RADX: variants seen among roughly 807,000 people sequenced by gnomAD.
RADX encodes the protein RPA-related protein RADX.
RADX carries 36 observed loss-of-function variants against 61.6 expected under a neutral mutation model. That is an observed-to-expected ratio of 0.58 (90% CI 0.45 to 0.77). The LOEUF (loss-of-function observed/expected upper bound fraction) is 0.77, where lower values mean the gene tolerates loss of function less well. RADX is among the 30% of genes least tolerant of loss of function. RADX has a pLI of 0.00. For synonymous variants in RADX, 272 were observed against 237.9 expected (o/e 1.14, Z -1.32); for missense variants, 497 against 651.1 (o/e 0.76, Z 2.58).
rs58810005 is a variant in RADX at position 106,661,359 on chromosome X, G to GTT, written c.1979-648_1979-647dup. ...CCCCTTTGTTTTTCGTTTTTGTTTT[G>GTT]TTTTTTTTTCTTGTTTTTTTTTTTT... On this transcript the variant is annotated intron_variant, in intron 11 of 13. Transcript: ENST00000372548. Among the ~76,000 whole-genome samples, 493 of 91,054 alleles carry GTT rather than the reference G, an allele frequency of 5.4e-3. 5 individuals carry two copies. Among genetic ancestry groups the GTT allele is most frequent in the African/African-American group, 0.02 (452 of 22,297 alleles). 79.1% of individuals were successfully genotyped at this position (91,054 alleles called of 115,157 possible). A position where few individuals can be genotyped will look rare whatever the true frequency, so the allele number is the denominator to read the frequency against.
At chrX:106,633,458 A>T (rs1366817469) in intron 6 of RADX, among the ~76,000 whole-genome samples, 8 of 111,466 alleles carry the variant, frequency 7.2e-5, no homozygotes, top group Admixed American at 2.9e-4. Flanking sequence ...TTAACTTGGG[A>T]TTGAAACCAG....
Position 106,661,244 on chromosome X carries a change from G to C in RADX, c.1979-771G>C, listed in dbSNP as rs191393738. On this transcript the variant is annotated intron_variant, in intron 11 of 13. Coordinates refer to ENST00000372548, the MANE Select transcript of RADX (RefSeq NM_018015.6). Reference sequence around the variant, plus strand: ...TAAATGATAATTTGATTTGATGATAGAGAACAACAAAAATTGAGGGGGTCT... The same window carrying C: ...TAAATGATAATTTGATTTGATGATACAGAACAACAAAAATTGAGGGGGTCT... 7.2e-5 allele frequency among the ~76,000 whole-genome samples: 8 copies of C among 111,249 alleles called. No homozygotes were observed. In the East Asian group the frequency reaches 2.3e-3, roughly 31 times the overall value.
intron 12 of RADX, among the ~76,000 whole-genome samples, chrX:106,666,973 A>ATT (rs1486439251): frequency 8.9e-6 from 1 of 112,245 alleles, no homozygotes; most frequent in Non-Finnish European, 1.9e-5. Context: ...TATTTACTCA[A>ATT]TTTAAGAAAT....
chrX:106,644,293 G>A (rs1025174746), intron 10 of RADX, among the ~76,000 whole-genome samples: 14 of 111,003 alleles, frequency 1.3e-4, no homozygotes, highest in Admixed American at 1.9e-4. Context: ...GCTTTAGATA[G>A]GACTTCCAGT....
Position 106,662,270 on chromosome X carries a change from C to G in RADX, c.2234C>G (p.Ala745Gly), listed in dbSNP as rs751905627. The G allele has an allele frequency of 5.0e-6, 6 of 1,207,314 alleles. No homozygotes were observed. In the African/African-American group the frequency reaches 8.8e-5, roughly 18 times the overall value. ...RPPKLDDFKS[A>G]RSLGHFEVTI... ...CCAAAACTTGATGATTTTAAGAGCG[C>G]CCGAAGCCTTGGACATTTTGAAGTA... Residue 745 changes from alanine to glycine, a missense_variant, in exon 12 of 14, where the codon GCC (alanine) becomes GGC (glycine). Physicochemically the swap from Ala to Gly is moderately conservative, Grantham distance 60. This residue lies in a region of RADX where 267 missense variants were observed against 306.9 expected (regional missense o/e 0.87). Coordinates refer to ENST00000372548, the MANE Select transcript of RADX (RefSeq NM_018015.6).
At chrX:106,644,931 A>G (rs996647530) in intron 10 of RADX, among the ~76,000 whole-genome samples, 2 of 110,607 alleles carry the variant, frequency 1.8e-5, no homozygotes, top group African/African-American at 6.5e-5. Context: ...TTTTGTTACA[A>G]CTTCCATCTC....
At chrX:106,669,604 T>G (rs1323699213) in intron 13 of RADX, among the ~76,000 whole-genome samples, 1 of 112,063 alleles carries the variant, frequency 8.9e-6, no homozygotes, top group Non-Finnish European at 1.9e-5. Context: ...ATAAGTGGTA[T>G]GCACATGGAA....
At chrX:106,658,145 T>C (rs994050736) in intron 11 of RADX, among the ~76,000 whole-genome samples, 1 of 111,847 alleles carries the variant, frequency 8.9e-6, no homozygotes, top group Middle Eastern at 4.6e-3. Flanking sequence ...CCAATTTAAA[T>C]GTAAAGATAT....
Position 106,640,843 on chromosome X carries a change from C to T in RADX, c.1904+122C>T, listed in dbSNP as rs185918779. ...TTGTTAGGGCCCCCATAACAAAATA[C>T]CACAACTGAGTGACTTAAACACTGA... On this transcript the variant is annotated intron_variant, in intron 10 of 13. Coordinates refer to ENST00000372548, the MANE Select transcript of RADX (RefSeq NM_018015.6). 7.4e-4 allele frequency: 338 copies of T among 455,125 alleles called. No individual in the cohort carries two copies. In the African/African-American group the frequency reaches 8.2e-3, roughly 11 times the overall value. 37.5% of individuals were successfully genotyped at this position (455,125 alleles called of 1,213,427 possible).
rs770138427 is a variant in RADX, at chrX:106,674,768, G to T, written c.2438-3360G>T. On this transcript the variant is annotated intron_variant, in intron 13 of 13. Transcript: ENST00000372548. The stretch of plus-strand genomic sequence containing the variant: ...TGGCCAGGCGCGGTGGCTCACGCCT[G>T]TACTCCCAGCACTTTGGGAGGCCAA... 1.2e-4 allele frequency among the ~76,000 whole-genome samples: 13 copies of T among 111,829 alleles called. No individual in the cohort carries two copies. In the East Asian group the frequency reaches 2.3e-3, roughly 19 times the overall value.
chrX:106,674,223 C>T (rs1409914202), intron 13 of RADX, among the ~76,000 whole-genome samples: 2 of 110,790 alleles, frequency 1.8e-5, no homozygotes, highest in East Asian at 5.7e-4. Flanking sequence ...GGGTGGGAGA[C>T]GATTGGTGGA....
chrX:106,623,295 C>T (rs1926997766), intron 2 of RADX, among the ~76,000 whole-genome samples: 1 of 111,463 alleles, frequency 9.0e-6, no homozygotes, highest in African/African-American at 3.3e-5. Flanking sequence ...CTCTAATTGT[C>T]AAATCTGTGT....
chrX:106,619,537 A>T (rs1213255000), intron 1 of RADX, among the ~76,000 whole-genome samples: 1 of 111,943 alleles, frequency 8.9e-6, no homozygotes, highest in African/African-American at 3.2e-5. Context: ...AATTTGTTAG[A>T]ATTTTCTTAT....
intron 12 of RADX, 104 bp downstream of exon 12, chrX:106,662,409 C>A: frequency 1.3e-6 from 1 of 756,343 alleles, no homozygotes; most frequent in South Asian, 3.3e-5. Flanking sequence ...ACATTAAGCC[C>A]AAGGGAAGTT....
At chrX:106,631,576 A>G (rs1035053408) in intron 3 of RADX, among the ~76,000 whole-genome samples, 4 of 107,984 alleles carry the variant, frequency 3.7e-5, no homozygotes, top group Non-Finnish European at 7.7e-5. Context: ...GGACATGATG[A>G]TTCTAGCTAC....
chrX:106,641,395 A>C (rs992221296), intron 10 of RADX, among the ~76,000 whole-genome samples: 1 of 111,041 alleles, frequency 9.0e-6, no homozygotes, highest in African/African-American at 3.3e-5. Flanking sequence ...TCTAAATTTC[A>C]TATGGATGTA....
At chrX:106,676,619 C>A (rs780495540) in intron 13 of RADX, among the ~76,000 whole-genome samples, 2 of 112,393 alleles carry the variant, frequency 1.8e-5, no homozygotes, top group Non-Finnish European at 3.8e-5. Flanking sequence ...CCACTAAAGT[C>A]TGTGATGCAT....
At chrX:106,670,371 T>G (rs768315131) in intron 13 of RADX, among the ~76,000 whole-genome samples, 2 of 110,782 alleles carry the variant, frequency 1.8e-5, no homozygotes, top group Non-Finnish European at 1.9e-5. Flanking sequence ...GTTACATGTC[T>G]TCTGCTGTAT....
intron 11 of RADX, among the ~76,000 whole-genome samples, chrX:106,648,736 G>A (rs1376341400): frequency 9.0e-6 from 1 of 110,903 alleles, no homozygotes; most frequent in Non-Finnish European, 1.9e-5. Context: ...TTGCTATTGG[G>A]TTGGCTGATT....
Sources: gnomAD v4.1 joint callset for allele counts (sites outside exome capture counted in the v4.1 genomes callset) on GRCh38, gnomAD v4.1.1 for gene constraint, gnomAD v4.1.1 regional missense constraint, MANE v1.5 for transcripts, NCBI Gene and HGNC (gene_info 2026-07-23, HGNC 2026-07-21) for gene names.